Variants in ANGPTL2 observed in about 807,000 individuals in gnomAD.
ANGPTL2 encodes angiopoietin like 2, also known as angiopoietin-related protein 2.
A neutral mutation model predicts 52.8 loss-of-function variants in ANGPTL2; 25 were observed. That is an observed-to-expected ratio of 0.47 (90% CI 0.35 to 0.66). The LOEUF (loss-of-function observed/expected upper bound fraction) is 0.66, where lower values mean the gene tolerates loss of function less well. Ranked by LOEUF, ANGPTL2 falls within the 30% of genes least tolerant of loss-of-function variation. ANGPTL2 has a pLI of 0.01. For missense variants in ANGPTL2, 546 were observed against 656.9 expected, an observed-to-expected ratio of 0.83 and a Z score of 1.84; for synonymous variants, 276 against 277.4, an observed-to-expected ratio of 1.00 and a Z score of 0.05.
chr9:127,113,595 A>G (rs1198107226), intron 1 of ANGPTL2, among the ~76,000 whole-genome samples: 2 of 150,900 alleles, frequency 1.3e-5, no homozygotes, highest in African/African-American at 4.9e-5. Context: ...CCTGTGTCCA[A>G]CAAAGAAAAG....
intron 3 of ANGPTL2, among the ~76,000 whole-genome samples, chr9:127,093,242 G>C (rs2052692464): frequency 6.6e-6 from 1 of 152,150 alleles, no homozygotes; most frequent in East Asian, 1.9e-4. Context: ...TGGGAACCAG[G>C]GAGCCCAGAG....
At chr9:127,098,997 A>T (rs2053452077) in intron 2 of ANGPTL2, among the ~76,000 whole-genome samples, 1 of 152,200 alleles carries the variant, frequency 6.6e-6, no homozygotes, top group Admixed American at 6.5e-5. Flanking sequence ...TCTGACCTTG[A>T]GGCTGGGAGC....
intron 2 of ANGPTL2, among the ~76,000 whole-genome samples, chr9:127,095,319 A>T (rs1038431172): frequency 6.6e-6 from 1 of 152,170 alleles, no homozygotes; most frequent in Non-Finnish European, 1.5e-5. Flanking sequence ...AATCCCTTGA[A>T]TCCAGGAGGT....
intron 2 of ANGPTL2, among the ~76,000 whole-genome samples, chr9:127,101,908 T>G (rs1483450105): frequency 6.6e-6 from 1 of 151,632 alleles, no homozygotes; most frequent in Non-Finnish European, 1.5e-5. Context: ...AAGTAACTTA[T>G]TTTTTTTTAA....
chr9:127,108,153 T>C lies in ANGPTL2; in HGVS notation c.579A>G (p.Gln193=). The change falls in exon 2 of 5, where the codon CAA becomes CAG. Residue 193 remains glutamine, a synonymous_variant. Transcript: ENST00000373425. ...YQHLATLAHN[Q]SEIIAQLEEH... The stretch of plus-strand genomic sequence containing the variant: ...CCTCAAGCTGCGCGATGATCTCTGA[T>C]TGGTTGTGGGCCAGTGTGGCCAGGT... 1 of 1,613,984 alleles carries C rather than the reference T, an allele frequency of 6.2e-7. No homozygotes were observed. Among genetic ancestry groups the C allele is most frequent in the Non-Finnish European group, 8.5e-7 (1 of 1,179,984 alleles).
At position 127,122,113 on chromosome 9, in the gene ANGPTL2, T is replaced by C. The variant is rs550371187; in HGVS notation, c.-50+202A>G. On this transcript the variant is annotated intron_variant, in intron 1 of 4. Coordinates refer to ENST00000373425, the MANE Select transcript of ANGPTL2 (RefSeq NM_012098.3). The surrounding 1 kb of genome is among the most constrained non-coding windows in gnomAD (Gnocchi z 6.4). ...TCCTCGAGATGCCAGCCCATGATCA[T>C]GTGCCCCCAAACACCACCAAATGTC... Among the ~76,000 whole-genome samples, 27 of 152,288 alleles carry C rather than the reference T, an allele frequency of 1.8e-4. 1 individual carries two copies. The South Asian group carries it at 5.4e-3, about 30-fold the overall frequency.
intron 1 of ANGPTL2, among the ~76,000 whole-genome samples, chr9:127,111,544 G>T (rs2054813475): frequency 6.6e-6 from 1 of 152,212 alleles, no homozygotes; most frequent in Admixed American, 6.5e-5. Context: ...TTGGGGCAGG[G>T]ATCCCATGGA....
chr9:127,097,583 A>G (rs1458557625), intron 2 of ANGPTL2, among the ~76,000 whole-genome samples: 1 of 152,276 alleles, frequency 6.6e-6, no homozygotes, highest in Non-Finnish European at 1.5e-5. Flanking sequence ...TTAGTCAGAA[A>G]AAGAGTTAAC....
intron 2 of ANGPTL2, among the ~76,000 whole-genome samples, chr9:127,097,089 T>G (rs2053215831): frequency 6.6e-6 from 1 of 152,198 alleles, no homozygotes; most frequent in Non-Finnish European, 1.5e-5. Flanking sequence ...TTAGAACTAA[T>G]GTTAATCTTT....
intron 2 of ANGPTL2, among the ~76,000 whole-genome samples, chr9:127,101,399 G>T (rs1333566416): frequency 6.6e-6 from 1 of 152,188 alleles, no homozygotes; most frequent in East Asian, 1.9e-4. Context: ...CCATAAGACT[G>T]TGGGCTCCTT....
Position 127,087,865 on chromosome 9 carries a change from T to A in ANGPTL2, c.*1074A>T, listed in dbSNP as rs2051956805. On this transcript the variant is annotated 3_prime_UTR_variant, in exon 5 of 5. Coordinates refer to ENST00000373425, the MANE Select transcript of ANGPTL2 (RefSeq NM_012098.3). ...GATGACTTCTGTTCTGAGATAATTC[T>A]CCTGGCCAGATAGGTTATTATTTGT... 1 of 152,548 alleles carries A rather than the reference T, an allele frequency of 6.6e-6. No individual in the cohort carries two copies. Among genetic ancestry groups the A allele is most frequent in the East Asian group, 1.9e-4 (1 of 5,208 alleles). 9.4% of individuals were successfully genotyped at this position (152,548 alleles called of 1,614,324 possible).
intron 2 of ANGPTL2, among the ~76,000 whole-genome samples, chr9:127,104,019 C>T (rs563108304): frequency 1.3e-5 from 2 of 151,246 alleles, no homozygotes; most frequent in South Asian, 4.1e-4. Context: ...GGTACAAGTC[C>T]CAGGGTCGAT....
chr9:127,098,909 G>A (rs2053441209), intron 2 of ANGPTL2, among the ~76,000 whole-genome samples: 1 of 152,252 alleles, frequency 6.6e-6, no homozygotes, highest in Non-Finnish European at 1.5e-5. Flanking sequence ...CCAGGCCCTA[G>A]TGGAGAAATG....
intron 2 of ANGPTL2, among the ~76,000 whole-genome samples, chr9:127,107,700 A>G (rs1221532366): frequency 6.6e-6 from 1 of 152,050 alleles, no homozygotes; most frequent in African/African-American, 2.4e-5. Flanking sequence ...ATTTTTTGGT[A>G]ATATCTTTGA....
rs2136304323 is a variant in ANGPTL2 at position 127,088,290 on chromosome 9, G to A, written c.*649C>T. ...TGAAATTTGATTAGGTGCCAAAAGG[G>A]GTTCTTAAGAAGCTGGGAACCTCTA... On this transcript the variant is annotated 3_prime_UTR_variant, in exon 5 of 5. Coordinates refer to ENST00000373425, the MANE Select transcript of ANGPTL2 (RefSeq NM_012098.3). 1 of 152,240 alleles carries A rather than the reference G, an allele frequency of 6.6e-6. No individual in the cohort carries two copies. Among genetic ancestry groups the A allele is most frequent in the Non-Finnish European group, 1.5e-5 (1 of 68,022 alleles). The allele number at this position is 152,240 out of a possible 1,614,324, so 9.4% of individuals were successfully genotyped here.
At chr9:127,097,193 C>T (rs113973613) in intron 2 of ANGPTL2, among the ~76,000 whole-genome samples, 2 of 152,022 alleles carry the variant, frequency 1.3e-5, no homozygotes, top group African/African-American at 2.4e-5. Context: ...TTTTTTCTTC[C>T]GTATTTACCT....
intron 3 of ANGPTL2, 85 bp downstream of exon 3, chr9:127,093,648 G>A (rs1312523583): frequency 2.7e-6 from 4 of 1,496,336 alleles, no homozygotes; most frequent in Non-Finnish European, 2.7e-6. Context: ...ACCTCTGAGT[G>A]GGCTCTTCTA....
intron 2 of ANGPTL2, among the ~76,000 whole-genome samples, chr9:127,097,847 G>C (rs1472053187): frequency 6.6e-6 from 1 of 152,188 alleles, no homozygotes; most frequent in African/African-American, 2.4e-5. Flanking sequence ...CTCCAATCTC[G>C]ATGGCCTCAC....
At position 127,108,473 on chromosome 9, in the gene ANGPTL2, G is replaced by C. The variant is rs773761337; in HGVS notation, c.259C>G (p.Gln87Glu). 1 of 1,612,298 alleles carries C rather than the reference G, an allele frequency of 6.2e-7. No individual in the cohort carries two copies. The highest frequency in any genetic ancestry group is 1.1e-5 in the South Asian group (1 of 90,876). Reference protein sequence around the residue: ...EVLLENRVHKQELELLNNELL... With the variant: ...EVLLENRVHKEELELLNNELL... The stretch of plus-strand genomic sequence containing the variant: ...TCATTGTTGAGCAGCTCTAGCTCCT[G>C]CTTATGCACTCGGTTCTCCAGAAGC... The change falls in exon 2 of 5, where the codon CAG (glutamine) becomes GAG (glutamate). Residue 87 changes from glutamine to glutamate, a missense_variant. Gln to Glu is a conservative substitution (Grantham distance 29, BLOSUM62 2). Transcript: ENST00000373425.
Sources: allele counts gnomAD v4.1 joint callset (sites outside exome capture counted in the v4.1 genomes callset), GRCh38; gene constraint gnomAD v4.1.1; non-coding constraint Gnocchi (gnomAD v3.1); transcripts MANE v1.5; gene names NCBI Gene and HGNC (gene_info 2026-07-23, HGNC 2026-07-21).